NFKBIL1: variants seen among roughly 807,000 people sequenced by gnomAD.
The protein encoded by NFKBIL1 is NF-kappa-B inhibitor-like protein 1.
Under a neutral mutation model 45.4 loss-of-function variants are expected in NFKBIL1, and 30 were observed. The ratio of observed to expected loss-of-function variants is 0.66; its 90% CI spans 0.49 to 0.90. The LOEUF (loss-of-function observed/expected upper bound fraction) is 0.90, where lower values mean the gene tolerates loss of function less well. Ranked by LOEUF, NFKBIL1 falls within the 40% of genes least tolerant of loss-of-function variation. The pLI is 0.00. For synonymous variants in NFKBIL1, 179 were observed against 197.3 expected (o/e 0.91, Z 0.78); for missense variants, 434 against 513.4 (o/e 0.85, Z 1.49).
chr6:31,551,405 C>A (rs867622260), intron 2 of NFKBIL1, among the ~76,000 whole-genome samples: 1 of 152,192 alleles, frequency 6.6e-6, no homozygotes, highest in Non-Finnish European at 1.5e-5. Flanking sequence ...CCAAAAGGTT[C>A]GGGAACTTGT....
intron 2 of NFKBIL1, among the ~76,000 whole-genome samples, chr6:31,550,443 G>A (rs1484532295): frequency 7.5e-6 from 1 of 134,068 alleles, no homozygotes; most frequent in Non-Finnish European, 1.5e-5. Flanking sequence ...TTCCTTTAAC[G>A]TACCTGAGAT....
At chr6:31,551,350 T>A (rs1349794391) in intron 2 of NFKBIL1, among the ~76,000 whole-genome samples, 1 of 152,208 alleles carries the variant, frequency 6.6e-6, no homozygotes, top group Admixed American at 6.5e-5. Context: ...TTTAAGAAGC[T>A]GGTGAGACTG....
At chr6:31,548,481 C>T (rs1384469702) in intron 2 of NFKBIL1, 42 bp downstream of exon 2, 2 of 1,452,968 alleles carry the variant, frequency 1.4e-6, no homozygotes, top group African/African-American at 2.9e-5. Flanking sequence ...AGCAGCTGAC[C>T]AGACCTGAAA....
At chr6:31,556,762 A>G (rs1305719182) in intron 2 of NFKBIL1, 1 of 456,132 alleles carries the variant, frequency 2.2e-6, no homozygotes, top group Admixed American at 2.4e-5. Context: ...TCACCTCCCC[A>G]CCCCTCTCCC....
At chr6:31,547,774 A>G in intron 1 of NFKBIL1, 23 bp downstream of exon 1, 2 of 1,582,754 alleles carry the variant, frequency 1.3e-6, no homozygotes, top group African/African-American at 1.3e-5. Flanking sequence ...CAATTTCTAG[A>G]TCATTATTGG....
intron 2 of NFKBIL1, chr6:31,556,873 G>A (rs1483202124): frequency 4.8e-6 from 2 of 413,668 alleles, no homozygotes; most frequent in East Asian, 1.5e-4. Context: ...TTACATATTT[G>A]TGTATTTATT....
Position 31,547,699 on chromosome 6 carries a change from G to T in NFKBIL1, c.5G>T (p.Ser2Ile), listed in dbSNP as rs760700998. The part of the protein sequence containing the change: M[S>I]NPSPQVPEEE... ...GGGGGGGCGGGGGCAGGTCTGATGA[G>T]TAACCCCTCCCCCCAGGTTCCAGAG... is the stretch of plus-strand genomic sequence containing the variant. Residue 2 changes from serine to isoleucine, a missense_variant, in exon 1 of 4, where the codon AGT becomes ATT. Around this residue, in one of 4 missense-constraint regions of NFKBIL1, gnomAD observed 231 missense variants for 264.1 expected, o/e 0.87. Coordinates refer to ENST00000376148, the MANE Select transcript of NFKBIL1 (RefSeq NM_005007.4). 2.5e-6 allele frequency: 4 copies of T among 1,611,030 alleles called. No individual in the cohort carries two copies. The African/African-American group carries it at 4.0e-5, about 16-fold the overall frequency.
rs200371667 is a variant in NFKBIL1, at chr6:31,547,676, G to T, written c.-19G>T. On this transcript the variant is annotated 5_prime_UTR_variant, in exon 1 of 4. Transcript: ENST00000376148. ...GGCCTACGGCTCTGGGGGTACTTGGGGGGGCGGGGGCAGGTCTGATGAGTA... is the reference window on the plus strand; with the variant it reads ...GGCCTACGGCTCTGGGGGTACTTGGTGGGGCGGGGGCAGGTCTGATGAGTA... 6 of 1,599,630 alleles carry T rather than the reference G, an allele frequency of 3.8e-6. No homozygotes were observed. Among genetic ancestry groups the T allele is most frequent in the South Asian group, 2.2e-5 (2 of 90,152 alleles).
At chr6:31,556,025 G>A (rs1769719512) in intron 2 of NFKBIL1, among the ~76,000 whole-genome samples, 1 of 151,926 alleles carries the variant, frequency 6.6e-6, no homozygotes, top group South Asian at 2.1e-4. Flanking sequence ...TGTAGTGGCT[G>A]TTTAATATTA....
Position 31,547,613 on chromosome 6 carries a change from C to T in NFKBIL1, c.-82C>T, listed in dbSNP as rs1289739946. On this transcript the variant is annotated 5_prime_UTR_variant, in exon 1 of 4. Coordinates refer to ENST00000376148, the MANE Select transcript of NFKBIL1 (RefSeq NM_005007.4). ...CCAGCCTGGAGTGTCTCCGCCCTTC[C>T]CGCCTCCCGTCTCCGAGCTTCTTAA... The T allele has an allele frequency of 3.1e-6, 3 of 980,954 alleles. No homozygotes were observed. The highest frequency in any genetic ancestry group is 4.6e-6 in the Non-Finnish European group (3 of 655,760). 60.8% of individuals were successfully genotyped at this position (980,954 alleles called of 1,614,324 possible).
In NFKBIL1 at chr6:31,558,300, G is replaced by A. The variant is rs1198204053; in HGVS notation, c.835G>A (p.Ala279Thr). ...LGDREPKPTR[A>T]GPREEHPRGA... ...GGACCGAGAACCCAAGCCAACCAGG[G>A]CCGGGCCCAGGGAAGAGCACCCCAG... is the stretch of plus-strand genomic sequence containing the variant. The change falls in exon 4 of 4, where the codon GCC (alanine) becomes ACC (threonine). Residue 279 changes from alanine to threonine, a missense_variant. By Grantham distance (58) the Ala-to-Thr change is moderately conservative. Coordinates refer to ENST00000376148, the MANE Select transcript of NFKBIL1 (RefSeq NM_005007.4). The surrounding 1 kb of genome is among the most constrained non-coding windows in gnomAD (Gnocchi z 7.2). The A allele has an allele frequency of 6.3e-7, 1 of 1,581,364 alleles. No individual in the cohort carries two copies. Among genetic ancestry groups the A allele is most frequent in the Non-Finnish European group, 8.6e-7 (1 of 1,163,402 alleles).
Position 31,547,624 on chromosome 6 carries a change from C to T in NFKBIL1, c.-71C>T, listed in dbSNP as rs200179438. 100 of 1,130,068 alleles carry T rather than the reference C, an allele frequency of 8.8e-5. No homozygotes were observed. Among genetic ancestry groups the T allele is most frequent in the Non-Finnish European group, 1.2e-4 (93 of 780,932 alleles). 70.0% of individuals were successfully genotyped at this position (1,130,068 alleles called of 1,614,324 possible). A position where few individuals can be genotyped will look rare whatever the true frequency, so the allele number is the denominator to read the frequency against. ...TGTCTCCGCCCTTCCCGCCTCCCGT[C>T]TCCGAGCTTCTTAAACACAGGCCTT... On this transcript the variant is annotated 5_prime_UTR_variant, in exon 1 of 4. Coordinates refer to ENST00000376148, the MANE Select transcript of NFKBIL1 (RefSeq NM_005007.4).
chr6:31,557,200 C>T lies in NFKBIL1; in HGVS notation c.335-428C>T, dbSNP rs969700494. On this transcript the variant is annotated intron_variant, in intron 2 of 3. Coordinates refer to ENST00000376148, the MANE Select transcript of NFKBIL1 (RefSeq NM_005007.4). This position sits in a 1 kb window ranked among gnomAD's most constrained non-coding sequence, Gnocchi z 5.4. ...TCGGCTTACTACAAGCTCCACCTCC[C>T]GGGTTCACATCATTCTCCTGCCTCA... is the stretch of plus-strand genomic sequence containing the variant. 1.3e-5 allele frequency among the ~76,000 whole-genome samples: 2 copies of T among 151,590 alleles called. No individual in the cohort carries two copies. Among genetic ancestry groups the T allele is most frequent in the African/African-American group, 4.9e-5 (2 of 41,112 alleles).
Position 31,557,562 on chromosome 6 carries a change from A to C in NFKBIL1, c.335-66A>C. On this transcript the variant is annotated intron_variant, in intron 2 of 3. Transcript: ENST00000376148. The surrounding 1 kb of genome is among the most constrained non-coding windows in gnomAD (Gnocchi z 5.4). The stretch of plus-strand genomic sequence containing the variant: ...GGGAGCGAGTGACCAGCAGGATTCA[A>C]GATGGCAGCTCTGCCGAGGAGTGGG... 7.5e-7 allele frequency: 1 copy of C among 1,327,810 alleles called. No homozygotes were observed. The highest frequency in any genetic ancestry group is 1.0e-6 in the Non-Finnish European group (1 of 983,028). The allele number at this position is 1,327,810 out of a possible 1,614,324, so 82.3% of individuals were successfully genotyped here.
chr6:31,557,106 ATTTTTT>A lies in NFKBIL1; in HGVS notation c.335-508_335-503del, dbSNP rs9279350. ...ATAGTTTGTGGAGACACAAGTAAGA[ATTTTTT>A]TTTTTTTTTTTTTGAGACGGAGTCT... On this transcript the variant is annotated intron_variant, in intron 2 of 3. Coordinates refer to ENST00000376148, the MANE Select transcript of NFKBIL1 (RefSeq NM_005007.4). The surrounding 1 kb of genome is among the most constrained non-coding windows in gnomAD (Gnocchi z 5.4). Among the ~76,000 whole-genome samples the A allele has an allele frequency of 8.0e-6, 1 of 124,662 alleles. No homozygotes were observed. The highest frequency in any genetic ancestry group is 1.7e-5 in the Non-Finnish European group (1 of 59,082). The allele number at this position is 124,662 out of a possible 152,430, so 81.8% of individuals were successfully genotyped here. A position where few individuals can be genotyped will look rare whatever the true frequency, so the allele number is the denominator to read the frequency against.
intron 2 of NFKBIL1, among the ~76,000 whole-genome samples, chr6:31,554,418 G>GA (rs41268258): frequency 0.15 from 22,225 of 148,710 alleles, 1,700 homozygotes; most frequent in South Asian, 0.25. Context: ...GTCTCAAAAA[G>GA]AAAAAAAAAG....
chr6:31,547,505 C>T (rs981645445), upstream of NFKBIL1: 23 of 444,738 alleles, frequency 5.2e-5, no homozygotes, highest in African/African-American at 4.7e-4. Context: ...AAGAACTACC[C>T]GGTCGGGGCG....
In NFKBIL1 at chr6:31,558,683, A is replaced by T. The variant is rs1769927931; in HGVS notation, c.*72A>T. On this transcript the variant is annotated 3_prime_UTR_variant, in exon 4 of 4. Transcript: ENST00000376148. The surrounding 1 kb of genome is among the most constrained non-coding windows in gnomAD (Gnocchi z 7.2). ...GGCAGAAGGAAGGGTAAGGGAAAGG[A>T]TGGGGACCACAAGGAAGAGCCAGGT... 1 of 1,324,904 alleles carries T rather than the reference A, an allele frequency of 7.5e-7. No individual in the cohort carries two copies. Among genetic ancestry groups the T allele is most frequent in the Admixed American group, 2.4e-5 (1 of 41,544 alleles). 82.1% of individuals were successfully genotyped at this position (1,324,904 alleles called of 1,614,324 possible). A position where few individuals can be genotyped will look rare whatever the true frequency, so the allele number is the denominator to read the frequency against.
chr6:31,548,448 G>A lies in NFKBIL1; in HGVS notation c.334+9G>A. 1 of 1,495,506 alleles carries A rather than the reference G, an allele frequency of 6.7e-7. No individual in the cohort carries two copies. The allele number at this position is 1,495,506 out of a possible 1,614,324, so 92.6% of individuals were successfully genotyped here. On this transcript the variant is annotated intron_variant, in intron 2 of 3. Coordinates refer to ENST00000376148, the MANE Select transcript of NFKBIL1 (RefSeq NM_005007.4). ...CCGCCAGGGCCCAGATGGTGAGTCT[G>A]CTCAGTGGGGAACAAGGTCATAAGC...
Sources: gnomAD v4.1 joint callset for allele counts (sites outside exome capture counted in the v4.1 genomes callset) on GRCh38, gnomAD v4.1.1 for gene constraint, gnomAD v4.1.1 regional missense constraint, Gnocchi (gnomAD v3.1) non-coding constraint, MANE v1.5 for transcripts, NCBI Gene and HGNC (gene_info 2026-07-23, HGNC 2026-07-21) for gene names.